Variants in FBLN7 observed in about 807,000 individuals in gnomAD.
FBLN7 encodes fibulin-7.
FBLN7 carries 31 observed loss-of-function variants against 44.0 expected under a neutral mutation model. The observed-to-expected ratio is 0.70, with a 90% CI of 0.53 to 0.95. The LOEUF is 0.95. Among genes scored for constraint, FBLN7 ranks in the 40% least tolerant of loss-of-function variants. The pLI, the probability that FBLN7 is intolerant of heterozygous loss-of-function variation, is 0.00. For synonymous variants in FBLN7, 262 were observed against 253.4 expected (o/e 1.03, Z -0.32); for missense variants, 573 against 618.5 (o/e 0.93, Z 0.78).
rs191385162 is a variant in FBLN7 at position 112,182,473 on chromosome 2, G to A, written c.671-318G>A. Among the ~76,000 whole-genome samples the A allele has an allele frequency of 2.3e-3, 344 of 152,336 alleles. 1 individual carries two copies. Among genetic ancestry groups the A allele is most frequent in the Non-Finnish European group, 1.8e-3 (125 of 68,030 alleles). ...AACCCATCCCTACTTTCTGGGAATA[G>A]GCTTGATTTGCCAGCCTCTGCAGGG... On this transcript the variant is annotated intron_variant, in intron 5 of 7. Transcript: ENST00000331203.
the FBLN7 span, among the ~76,000 whole-genome samples, chr2:112,216,878 A>T: frequency 6.6e-6 from 1 of 152,104 alleles, no homozygotes; most frequent in Non-Finnish European, 1.5e-5. Context: ...TTAATAGAAA[A>T]CAAAGAAAAC....
the FBLN7 span, chr2:112,236,528 G>T: frequency 1.2e-6 from 2 of 1,606,018 alleles, no homozygotes; most frequent in Non-Finnish European, 1.7e-6. Flanking sequence ...AGCATGCAGG[G>T]GTCAGGTATT....
the FBLN7 span, chr2:112,238,425 TC>T: frequency 6.2e-7 from 1 of 1,613,684 alleles, no homozygotes; most frequent in East Asian, 2.2e-5. Context: ...AAAATTATCT[TC>T]TGATTCCTGA....
chr2:112,233,234 T>TAAAGA, the FBLN7 span: 1 of 1,275,632 alleles, frequency 7.8e-7, no homozygotes, highest in Non-Finnish European at 1.1e-6. Flanking sequence ...ATTTATAAAG[T>TAAAGA]CACCATATCT....
chr2:112,162,026 G>T (rs1182741332), intron 2 of FBLN7, among the ~76,000 whole-genome samples: 1 of 152,152 alleles, frequency 6.6e-6, no homozygotes, highest in Non-Finnish European at 1.5e-5. Flanking sequence ...CTACCTTATT[G>T]CTTTTTAAAA....
chr2:112,173,327 G>T (rs947993439), intron 3 of FBLN7, among the ~76,000 whole-genome samples: 6 of 151,946 alleles, frequency 3.9e-5, no homozygotes, highest in Non-Finnish European at 7.4e-5. Flanking sequence ...AAGAAATGCC[G>T]GAAAGACATG....
Position 112,159,713 on chromosome 2 carries a change from G to T in FBLN7, c.113G>T (p.Arg38Leu). The T allele has an allele frequency of 1.9e-6, 3 of 1,579,544 alleles. No homozygotes were observed. The highest frequency in any genetic ancestry group is 2.6e-6 in the Non-Finnish European group (3 of 1,162,474). ...LSKQQLLSAI[R>L]QLQQLLKGQE... ...AAACAGCAGCTCCTCTCGGCCATCC[G>T]CCAGCTGCAGCAGCTGCTGAAGGGC... Residue 38 changes from arginine (R) to leucine (L), a missense_variant, in exon 2 of 8, where the codon CGC becomes CTC. Transcript: ENST00000331203.
At chr2:112,206,182 T>TA in the FBLN7 span, among the ~76,000 whole-genome samples, 1 of 152,214 alleles carries the variant, frequency 6.6e-6, no homozygotes, top group South Asian at 2.1e-4. Flanking sequence ...AGTATTCTCT[T>TA]ATACCTTTCA....
the FBLN7 span, among the ~76,000 whole-genome samples, chr2:112,228,244 T>C: frequency 3.9e-5 from 6 of 152,170 alleles, no homozygotes; most frequent in African/African-American, 1.4e-4. Context: ...GGCTCACCTT[T>C]GTAATCCCAG....
the FBLN7 span, among the ~76,000 whole-genome samples, chr2:112,227,426 G>A: frequency 3.3e-5 from 5 of 152,230 alleles, no homozygotes; most frequent in African/African-American, 1.2e-4. Flanking sequence ...TCGGGAGGCT[G>A]AGGCAGGAGA....
chr2:112,195,867 G>T, the FBLN7 span, among the ~76,000 whole-genome samples: 1 of 152,198 alleles, frequency 6.6e-6, no homozygotes, highest in Non-Finnish European at 1.5e-5. Flanking sequence ...GGCATTTGTG[G>T]TAGACATTAG....
At chr2:112,178,216 A>G (rs1201299620) in intron 4 of FBLN7, among the ~76,000 whole-genome samples, 1 of 151,910 alleles carries the variant, frequency 6.6e-6, no homozygotes, top group Admixed American at 6.6e-5. Context: ...GTTCCTGGCA[A>G]AAACCAAAAA....
chr2:112,141,153 C>T (rs968730207), intron 1 of FBLN7, among the ~76,000 whole-genome samples: 4 of 152,200 alleles, frequency 2.6e-5, no homozygotes, highest in African/African-American at 7.2e-5. Context: ...GTGCCTGGTG[C>T]GCCTCAGGCT....
intron 2 of FBLN7, among the ~76,000 whole-genome samples, chr2:112,160,260 G>A (rs1681686868): frequency 2.0e-5 from 3 of 152,208 alleles, no homozygotes; most frequent in Non-Finnish European, 2.9e-5. Context: ...AAAGTGCTGG[G>A]ATGACAGGCG....
At chr2:112,220,036 G>C in the FBLN7 span, among the ~76,000 whole-genome samples, 1 of 152,184 alleles carries the variant, frequency 6.6e-6, no homozygotes, top group East Asian at 1.9e-4. Flanking sequence ...TTGAGCCTAA[G>C]GGCGTCATTG....
chr2:112,194,443 T>TG, the FBLN7 span, among the ~76,000 whole-genome samples: 1 of 152,162 alleles, frequency 6.6e-6, no homozygotes, highest in Non-Finnish European at 1.5e-5. Flanking sequence ...AAGCCACCTC[T>TG]GAGCCAGGTG....
At chr2:112,231,043 C>A in the FBLN7 span, 3 of 805,460 alleles carry the variant, frequency 3.7e-6, no homozygotes, top group South Asian at 5.3e-5. Flanking sequence ...TGATTCCAAT[C>A]AAATTCATCC....
At chr2:112,148,018 C>T (rs1186150162) in intron 1 of FBLN7, among the ~76,000 whole-genome samples, 1 of 152,142 alleles carries the variant, frequency 6.6e-6, no homozygotes, top group African/African-American at 2.4e-5. Flanking sequence ...GCTCTCCTCC[C>T]CACTGACTTC....
rs11301330 is a variant in FBLN7, at chr2:112,176,934, A to AT, written c.532+1111dup. 5.8e-3 allele frequency: 836 copies of AT among 143,602 alleles called. 6 individuals carry two copies. The highest frequency in any genetic ancestry group is 0.017 in the African/African-American group (672 of 39,094). 8.9% of individuals were successfully genotyped at this position (143,602 alleles called of 1,614,324 possible). A position where few individuals can be genotyped will look rare whatever the true frequency, so the allele number is the denominator to read the frequency against. On this transcript the variant is annotated intron_variant, in intron 4 of 7. Transcript: ENST00000331203. ...CTTTAGGGTTTCCTCCCACTGTGGG[A>AT]TTTTTTTTTTTTTTTTAAGATGGGA... is the stretch of plus-strand genomic sequence containing the variant.
Sources: allele counts gnomAD v4.1 joint callset (sites outside exome capture counted in the v4.1 genomes callset), GRCh38; gene constraint gnomAD v4.1.1; transcripts MANE v1.5; gene names NCBI Gene and HGNC (gene_info 2026-07-23, HGNC 2026-07-21).